The following CAMTA1 variants were observed in gnomAD, a reference collection of about 807,000 sequenced individuals.
CAMTA1 encodes calmodulin-binding transcription activator 1.
CAMTA1 carries 27 observed loss-of-function variants against 170.9 expected under a neutral mutation model. The observed-to-expected ratio is 0.16, with a 90% CI of 0.12 to 0.22. The LOEUF is 0.22. Among genes scored for constraint, CAMTA1 ranks in the 10% least tolerant of loss-of-function variants. The pLI, the probability that CAMTA1 is intolerant of heterozygous loss-of-function variation, is 1.00. For synonymous variants in CAMTA1, 833 were observed against 891.5 expected (o/e 0.93, Z 1.17); for missense variants, 1,619 against 2,217.2 (o/e 0.73, Z 5.42).
At chr1:7,337,879 C>T (rs117067129) in intron 5 of CAMTA1, among the ~76,000 whole-genome samples, 5,239 of 152,204 alleles carry the variant, frequency 0.034, 121 homozygotes, top group East Asian at 0.11. Flanking sequence ...CCCGAATTTC[C>T]AGCCCGCTTG....
intron 3 of CAMTA1, among the ~76,000 whole-genome samples, chr1:6,964,637 G>A (rs1691194338): frequency 6.6e-6 from 1 of 152,220 alleles, no homozygotes; most frequent in South Asian, 2.1e-4. Flanking sequence ...ACAGGCTAAT[G>A]TCACAAGTAG....
chr1:7,678,551 A>C (rs1576794393), intron 11 of CAMTA1, among the ~76,000 whole-genome samples: 1 of 152,102 alleles, frequency 6.6e-6, no homozygotes, highest in Non-Finnish European at 1.5e-5. Flanking sequence ...CAGGCTGGGG[A>C]CGCCAGAGCC....
chr1:7,409,625 C>T (rs4908634), intron 5 of CAMTA1, among the ~76,000 whole-genome samples: 4,982 of 152,300 alleles, frequency 0.033, 104 homozygotes, highest in Non-Finnish European at 0.052. Flanking sequence ...GCCCTCCCAG[C>T]TGCCCACGGG....
chr1:7,610,063 G>A (rs756041492), intron 6 of CAMTA1, among the ~76,000 whole-genome samples: 3 of 152,184 alleles, frequency 2.0e-5, no homozygotes, highest in Non-Finnish European at 4.4e-5. Context: ...TCTCAGGGAC[G>A]TTTCTCTGCC....
intron 5 of CAMTA1, among the ~76,000 whole-genome samples, chr1:7,450,517 G>C (rs2092797361): frequency 6.6e-6 from 1 of 152,244 alleles, no homozygotes; most frequent in Non-Finnish European, 1.5e-5. Flanking sequence ...AAGCAGACCA[G>C]ATGCAGAAGT....
chr1:7,119,011 C>T (rs186543518), intron 4 of CAMTA1, among the ~76,000 whole-genome samples: 1 of 152,266 alleles, frequency 6.6e-6, no homozygotes. Context: ...ATTTGCTAAG[C>T]CAGTAACTCC....
rs968248752 is a variant in CAMTA1, at chr1:7,064,086, CCTT to C, written c.235-27212_235-27210del. On this transcript the variant is annotated intron_variant, in intron 3 of 22. Coordinates refer to ENST00000303635, the MANE Select transcript of CAMTA1 (RefSeq NM_015215.4). The surrounding 1 kb of genome is among the most constrained non-coding windows in gnomAD (Gnocchi z 5.4). ...TTCACCTTCTCCTCCTCCTCCTCCTCCTTCTTCTCCTCCTTCTCTCCTTCCCTC... is the reference window on the plus strand; with the variant it reads ...TTCACCTTCTCCTCCTCCTCCTCCTCCTTCTCCTCCTTCTCTCCTTCCCTC... Among the ~76,000 whole-genome samples the C allele has an allele frequency of 3.3e-5, 5 of 151,152 alleles. No individual in the cohort carries two copies. The highest frequency in any genetic ancestry group is 5.9e-5 in the Non-Finnish European group (4 of 67,778).
intron 4 of CAMTA1, among the ~76,000 whole-genome samples, chr1:7,156,366 G>A (rs763982424): frequency 6.6e-5 from 10 of 152,148 alleles, no homozygotes; most frequent in Non-Finnish European, 1.3e-4. Flanking sequence ...CATGAATGGT[G>A]AAAGTTAAAG....
chr1:7,559,530 C>T (rs999369810), intron 6 of CAMTA1, among the ~76,000 whole-genome samples: 52 of 152,224 alleles, frequency 3.4e-4, no homozygotes, highest in African/African-American at 1.3e-3. Flanking sequence ...GGGAGCCTGC[C>T]TGCCGACTTG....
At chr1:7,579,014 C>A (rs1306436644) in intron 6 of CAMTA1, among the ~76,000 whole-genome samples, 6 of 152,236 alleles carry the variant, frequency 3.9e-5, no homozygotes, top group Non-Finnish European at 2.9e-5. Flanking sequence ...GCACAGCCTC[C>A]CCGCTTTACT....
intron 3 of CAMTA1, among the ~76,000 whole-genome samples, chr1:6,945,515 A>AT (rs1687423821): frequency 6.6e-6 from 1 of 151,880 alleles, no homozygotes; most frequent in Admixed American, 6.6e-5. Flanking sequence ...CGCCTGGATA[A>AT]TTTTTGTATT....
intron 5 of CAMTA1, among the ~76,000 whole-genome samples, chr1:7,322,968 C>G (rs1031839820): frequency 3.7e-5 from 3 of 82,184 alleles, no homozygotes; most frequent in Non-Finnish European, 7.0e-5. Flanking sequence ...CCCCTTCCTC[C>G]GTTCCTCCCT....
At chr1:7,410,905 G>A (rs1000117632) in intron 5 of CAMTA1, among the ~76,000 whole-genome samples, 1 of 132,126 alleles carries the variant, frequency 7.6e-6, no homozygotes, top group Admixed American at 7.0e-5. Context: ...GTCTGTGTGT[G>A]TGTGTGTGTG....
chr1:7,707,902 T>C (rs190539561), intron 11 of CAMTA1, among the ~76,000 whole-genome samples: 1 of 152,324 alleles, frequency 6.6e-6, no homozygotes, highest in Admixed American at 6.5e-5. Flanking sequence ...TATTCTCTTA[T>C]GTGACTACAT....
chr1:7,717,696 C>T (rs1454275167), intron 11 of CAMTA1, among the ~76,000 whole-genome samples: 1 of 151,748 alleles, frequency 6.6e-6, no homozygotes, highest in African/African-American at 2.4e-5. Flanking sequence ...CCACTGCACT[C>T]CAGCCTGAGC....
At chr1:6,926,438 C>CTTTCTTTCTTTCTT (rs1314065060) in intron 3 of CAMTA1, among the ~76,000 whole-genome samples, 3 of 126,088 alleles carry the variant, frequency 2.4e-5, no homozygotes, top group Admixed American at 8.6e-5. Flanking sequence ...TCTTTCTTTT[C>CTTTCTTTCTTTCTT]TCTTTCTTTC....
In CAMTA1 at chr1:7,634,075, T is replaced by A. The variant is rs1324507589; in HGVS notation, c.511-6325T>A. On this transcript the variant is annotated intron_variant, in intron 6 of 22. Coordinates refer to ENST00000303635, the MANE Select transcript of CAMTA1 (RefSeq NM_015215.4). The surrounding 1 kb of genome is among the most constrained non-coding windows in gnomAD (Gnocchi z 6.2). Reference sequence around the variant, plus strand: ...AACCGTGGCAGGAGTGTGGGCCTGATCTCAGTGCCAAGGAGCCGTCCGGAA... The same window carrying A: ...AACCGTGGCAGGAGTGTGGGCCTGAACTCAGTGCCAAGGAGCCGTCCGGAA... 6.6e-6 allele frequency among the ~76,000 whole-genome samples: 1 copy of A among 152,056 alleles called. No individual in the cohort carries two copies. Among genetic ancestry groups the A allele is most frequent in the Admixed American group, 6.5e-5 (1 of 15,276 alleles).
intron 5 of CAMTA1, among the ~76,000 whole-genome samples, chr1:7,393,148 T>C (rs1377587106): frequency 3.3e-5 from 5 of 152,198 alleles, no homozygotes; most frequent in African/African-American, 1.2e-4. Flanking sequence ...TAGTATTTCA[T>C]CAAGATTTTG....
At chr1:6,902,905 G>T (rs1677446909) in intron 3 of CAMTA1, among the ~76,000 whole-genome samples, 1 of 152,092 alleles carries the variant, frequency 6.6e-6, no homozygotes, top group Non-Finnish European at 1.5e-5. Flanking sequence ...TGATTGGCAG[G>T]TTTTCTTTCC....
Sources: allele counts gnomAD v4.1 joint callset (sites outside exome capture counted in the v4.1 genomes callset), GRCh38; gene constraint gnomAD v4.1.1; non-coding constraint Gnocchi (gnomAD v3.1); transcripts MANE v1.5; gene names NCBI Gene and HGNC (gene_info 2026-07-23, HGNC 2026-07-21).